Variants in ANKRD37 observed in about 807,000 individuals in gnomAD.
The protein encoded by ANKRD37 is ankyrin repeat domain-containing protein 37.
A neutral mutation model predicts 19.7 loss-of-function variants in ANKRD37; 17 were observed. That is an observed-to-expected ratio of 0.86 (90% CI 0.59 to 1.29). The LOEUF is 1.29. Among genes scored for constraint, ANKRD37 ranks in the 50% most tolerant of loss-of-function variants. ANKRD37 has a pLI of 0.00. For missense variants in ANKRD37, 207 were observed against 190.4 expected (o/e 1.09, Z -0.51); for synonymous variants, 79 against 74.5 (o/e 1.06, Z -0.31).
Position 185,397,290 on chromosome 4 carries a change from C to G in ANKRD37, c.168C>G (p.Asp56Glu), listed in dbSNP as rs769435749. ...FLLWQLQTGA[D>E]LNQQDVLGEA... Reference sequence around the variant, plus strand: ...TCTGGCAGCTGCAAACGGGCGCTGACCTCAACCAGCAGGTAACTAGGTAAC... The same window carrying G: ...TCTGGCAGCTGCAAACGGGCGCTGAGCTCAACCAGCAGGTAACTAGGTAAC... The change falls in exon 2 of 5, where the codon GAC becomes GAG. Residue 56 changes from aspartate (D) to glutamate (E), a missense_variant. Physicochemically the swap from Asp to Glu is conservative, Grantham distance 45. Coordinates refer to ENST00000335174, the MANE Select transcript of ANKRD37 (RefSeq NM_181726.4). 13 of 1,613,796 alleles carry G rather than the reference C, an allele frequency of 8.1e-6. No homozygotes were observed. The highest frequency in any genetic ancestry group is 3.3e-5 in the Admixed American group (2 of 59,994).
chr4:185,399,809 C>T, intron 4 of ANKRD37, 36 bp downstream of exon 4: 3 of 1,612,268 alleles, frequency 1.9e-6, no homozygotes, highest in Non-Finnish European at 2.5e-6. Context: ...TTTCCTCCCG[C>T]AGTGATCTCT....
rs962729693 is a variant in ANKRD37, at chr4:185,396,857, C to T, written c.-67C>T. The T allele has an allele frequency of 5.9e-6, 9 of 1,537,456 alleles. No individual in the cohort carries two copies. Among genetic ancestry groups the T allele is most frequent in the African/African-American group, 1.4e-5 (1 of 73,438 alleles). On this transcript the variant is annotated 5_prime_UTR_variant, in exon 1 of 5. Coordinates refer to ENST00000335174, the MANE Select transcript of ANKRD37 (RefSeq NM_181726.4). ...GGCCAGCCTGCGCATTCTTACCTGTCGGGGTGCGGCGAGTGTCTCACCTCT... is the reference window on the plus strand; with the variant it reads ...GGCCAGCCTGCGCATTCTTACCTGTTGGGGTGCGGCGAGTGTCTCACCTCT...
downstream of ANKRD37, chr4:185,400,513 CA>C: frequency 6.6e-7 from 1 of 1,509,272 alleles, no homozygotes; most frequent in Non-Finnish European, 9.2e-7. Flanking sequence ...AAGCCTTTTA[CA>C]AAGTTACAAG....
chr4:185,399,975 T>G, intron 4 of ANKRD37, 42 bp from the exon 5 acceptor site: 2 of 1,594,654 alleles, frequency 1.3e-6, no homozygotes, highest in Non-Finnish European at 1.7e-6. Context: ...TAAAACTCTT[T>G]TTAAAAAAAA....
downstream of ANKRD37, chr4:185,400,559 C>G (rs988617768): frequency 4.0e-6 from 4 of 1,009,590 alleles, no homozygotes; most frequent in African/African-American, 6.5e-5. Context: ...CAGGCTCTGT[C>G]AGCAGGACCT....
chr4:185,397,006 A>G, intron 1 of ANKRD37, 56 bp downstream of exon 1: 1 of 1,611,604 alleles, frequency 6.2e-7, no homozygotes, highest in Non-Finnish European at 8.5e-7. Context: ...AAGCTTCTAG[A>G]TTCGTCTTCT....
At chr4:185,399,307 A>G (rs1236032336) in intron 3 of ANKRD37, among the ~76,000 whole-genome samples, 1 of 152,164 alleles carries the variant, frequency 6.6e-6, no homozygotes, top group East Asian at 1.9e-4. Flanking sequence ...TATAGTTCCC[A>G]TTGACTACCT....
rs1474191677 is a variant in ANKRD37 at position 185,397,100 on chromosome 4, C to T, written c.28-50C>T. 3 of 1,609,724 alleles carry T rather than the reference C, an allele frequency of 1.9e-6. No homozygotes were observed. The African/African-American group carries it at 4.0e-5, about 22-fold the overall frequency. On this transcript the variant is annotated intron_variant, in intron 1 of 4. Coordinates refer to ENST00000335174, the MANE Select transcript of ANKRD37 (RefSeq NM_181726.4). ...GGGAGGTTTCCAGCCCGGAGGGGCG[C>T]GGGACTGGACAAAGGTGGGAAGGGT...
chr4:185,397,977 G>A (rs1465668762), intron 2 of ANKRD37, among the ~76,000 whole-genome samples: 2 of 152,162 alleles, frequency 1.3e-5, no homozygotes, highest in Non-Finnish European at 2.9e-5. Flanking sequence ...ATTTATTTGA[G>A]ACGGAGTTTT....
At chr4:185,397,467 CCA>C in intron 2 of ANKRD37, 165 bp downstream of exon 2, 1 of 998,116 alleles carries the variant, frequency 1.0e-6, no homozygotes, top group Non-Finnish European at 1.4e-6. Context: ...GAGTTTTTTT[CCA>C]GTCTTGATGT....
intron 2 of ANKRD37, 121 bp from the exon 3 acceptor site, chr4:185,398,816 T>C (rs955194918): frequency 1.7e-4 from 77 of 461,426 alleles, no homozygotes; most frequent in African/African-American, 1.5e-3. Context: ...AAAAAAAAAT[T>C]CCCTGTCCAG....
rs1421885295 is a variant in ANKRD37, at chr4:185,398,955, C to T, written c.199C>T (p.Pro67Ser). The change falls in exon 3 of 5, where the codon CCA becomes TCA. Residue 67 changes from proline (P) to serine (S), a missense_variant. Coordinates refer to ENST00000335174, the MANE Select transcript of ANKRD37 (RefSeq NM_181726.4). ...LNQQDVLGEA[P>S]LHKAAKVGSL... Reference sequence around the variant, plus strand: ...CCTTAAGGATGTTTTAGGAGAAGCTCCACTACACAAGGCAGCAAAAGTTGG... The same window carrying T: ...CCTTAAGGATGTTTTAGGAGAAGCTTCACTACACAAGGCAGCAAAAGTTGG... The T allele has an allele frequency of 1.2e-6, 2 of 1,613,782 alleles. No individual in the cohort carries two copies. Among genetic ancestry groups the T allele is most frequent in the Non-Finnish European group, 1.7e-6 (2 of 1,179,836 alleles).
chr4:185,397,961 G>A (rs2095507496), intron 2 of ANKRD37, among the ~76,000 whole-genome samples: 2 of 152,158 alleles, frequency 1.3e-5, no homozygotes, highest in Non-Finnish European at 2.9e-5. Context: ...ATGGCTACAC[G>A]TTTTTATTTA....
At chr4:185,397,478 G>C (rs2095506374) in intron 2 of ANKRD37, 176 bp downstream of exon 2, 13 of 848,340 alleles carry the variant, frequency 1.5e-5, no homozygotes, top group Non-Finnish European at 2.0e-5. Context: ...CAGTCTTGAT[G>C]TGAGGACATG....
At chr4:185,400,296 C>G (rs558564595), downstream of ANKRD37, 93 of 1,049,220 alleles carry the variant, frequency 8.9e-5, 1 homozygote, top group African/African-American at 1.4e-3. Flanking sequence ...TTTAAATCGT[C>G]AAACTAGAAC....
intron 3 of ANKRD37, 57 bp from the exon 4 acceptor site, chr4:185,399,512 TA>T (rs11287696): frequency 0.79 from 1,225,145 of 1,551,684 alleles, 486,986 homozygotes; most frequent in East Asian, 0.98. Flanking sequence ...TTGTAAGATA[TA>T]AAAAAAAAGA....
At position 185,400,157 on chromosome 4, in the gene ANKRD37, T is replaced by G; in HGVS notation, c.*140T>G. On this transcript the variant is annotated 3_prime_UTR_variant, in exon 5 of 5. Transcript: ENST00000335174. ...AAACTTTCTTCCAAGTGAAGATCCA[T>G]TTAAGAACACATGTATTTACATGCC... 1.2e-6 allele frequency: 1 copy of G among 828,186 alleles called. No individual in the cohort carries two copies. Among genetic ancestry groups the G allele is most frequent in the Non-Finnish European group, 1.9e-6 (1 of 529,652 alleles). 51.3% of individuals were successfully genotyped at this position (828,186 alleles called of 1,614,324 possible).
In ANKRD37 at chr4:185,399,588, G is replaced by A. The variant is rs1465485519; in HGVS notation, c.291G>A (p.Gly97=). The A allele has an allele frequency of 1.9e-6, 3 of 1,614,148 alleles. No homozygotes were observed. Among genetic ancestry groups the A allele is most frequent in the East Asian group, 2.2e-5 (1 of 44,882 alleles). ...DAQIDLCNKN[G]QTAEDLAWSC... ...TTTTCAGTTTATGTAATAAGAACGGGCAAACAGCTGAAGATCTCGCTTGGT... is the reference window on the plus strand; with the variant it reads ...TTTTCAGTTTATGTAATAAGAACGGACAAACAGCTGAAGATCTCGCTTGGT... The change falls in exon 4 of 5, where the codon GGG becomes GGA. Residue 97 remains glycine (G), a synonymous_variant. Coordinates refer to ENST00000335174, the MANE Select transcript of ANKRD37 (RefSeq NM_181726.4).
At position 185,399,613 on chromosome 4, in the gene ANKRD37, T is replaced by C; in HGVS notation, c.316T>C (p.Ser106Pro). The C allele has an allele frequency of 1.2e-6, 2 of 1,614,182 alleles. No homozygotes were observed. Among genetic ancestry groups the C allele is most frequent in the Non-Finnish European group, 1.7e-6 (2 of 1,180,020 alleles). ...NGQTAEDLAW[S>P]CGFPDCAKFL... ...GCAAACAGCTGAAGATCTCGCTTGG[T>C]CATGTGGATTTCCAGACTGTGCCAA... is the stretch of plus-strand genomic sequence containing the variant. The change falls in exon 4 of 5, where the codon TCA becomes CCA. Residue 106 changes from serine to proline, a missense_variant. Physicochemically the swap from Ser to Pro is moderately conservative, Grantham distance 74. Transcript: ENST00000335174.
Sources: gnomAD v4.1 joint callset for allele counts (sites outside exome capture counted in the v4.1 genomes callset) on GRCh38, gnomAD v4.1.1 for gene constraint, MANE v1.5 for transcripts, NCBI Gene and HGNC (gene_info 2026-07-23, HGNC 2026-07-21) for gene names.